CD38: variants seen among roughly 807,000 people sequenced by gnomAD.
The protein encoded by CD38 is ADP-ribosyl cyclase/cyclic ADP-ribose hydrolase 1.
CD38 carries 31 observed loss-of-function variants against 36.3 expected under a neutral mutation model. The observed-to-expected ratio is 0.85, with a 90% CI of 0.64 to 1.15. CD38 has a LOEUF of 1.15. Among genes scored for constraint, CD38 ranks in the 50% most tolerant of loss-of-function variants. The pLI is 0.00. For synonymous variants in CD38, 131 were observed against 135.2 expected (o/e 0.97, Z 0.22); for missense variants, 380 against 371.9 (o/e 1.02, Z -0.18).
chr4:15,835,363 C>CT lies in CD38; in HGVS notation c.585+1093dup, dbSNP rs35143834. Among the ~76,000 whole-genome samples the CT allele has an allele frequency of 3.6e-3, 206 of 57,720 alleles. 39 individuals carry two copies. The highest frequency in any genetic ancestry group is 5.1e-3 in the Non-Finnish European group (143 of 27,902). The allele number at this position is 57,720 out of a possible 152,430, so 37.9% of individuals were successfully genotyped here. ...CATGTTGCTGCAAATGACAGGAATACTTTTTTTTTTTTTTTTTTTTTTTTT... is the reference window on the plus strand; with the variant it reads ...CATGTTGCTGCAAATGACAGGAATACTTTTTTTTTTTTTTTTTTTTTTTTTT... On this transcript the variant is annotated intron_variant, in intron 4 of 7. Coordinates refer to ENST00000226279, the MANE Select transcript of CD38 (RefSeq NM_001775.4).
In CD38 at chr4:15,778,710, GA is replaced by G; in HGVS notation, c.233+65del. The G allele has an allele frequency of 8.3e-7, 1 of 1,207,880 alleles. No individual in the cohort carries two copies. 74.8% of individuals were successfully genotyped at this position (1,207,880 alleles called of 1,614,324 possible). A position where few individuals can be genotyped will look rare whatever the true frequency, so the allele number is the denominator to read the frequency against. Reference sequence around the variant, plus strand: ...GGGACAGCAGGGCCCCGCGCGCAGGGAAGCCGCCCGGATCGCCCGGAACCGG... The same window carrying G: ...GGGACAGCAGGGCCCCGCGCGCAGGGAGCCGCCCGGATCGCCCGGAACCGG... On this transcript the variant is annotated intron_variant, in intron 1 of 7. Transcript: ENST00000226279. The surrounding 1 kb of genome is among the most constrained non-coding windows in gnomAD (Gnocchi z 4.9).
intron 1 of CD38, among the ~76,000 whole-genome samples, chr4:15,779,576 A>G (rs1722645662): frequency 1.3e-5 from 2 of 152,200 alleles, no homozygotes; most frequent in African/African-American, 4.8e-5. Flanking sequence ...CAATCCGAGG[A>G]AACGAGCAAA....
At chr4:15,832,660 A>G (rs1000310651) in intron 3 of CD38, among the ~76,000 whole-genome samples, 2 of 152,118 alleles carry the variant, frequency 1.3e-5, no homozygotes, top group Admixed American at 6.5e-5. Flanking sequence ...CACCGCAACT[A>G]GGACTTTGCT....
chr4:15,841,669 G>C (rs1022451581), intron 7 of CD38, among the ~76,000 whole-genome samples: 5 of 150,178 alleles, frequency 3.3e-5, no homozygotes, highest in Non-Finnish European at 7.4e-5. Flanking sequence ...TCACTAGGGA[G>C]TGCCAGACAG....
chr4:15,818,651 G>A (rs1341950869), intron 2 of CD38, among the ~76,000 whole-genome samples: 1 of 152,186 alleles, frequency 6.6e-6, no homozygotes, highest in Non-Finnish European at 1.5e-5. Flanking sequence ...GCTTCCAGAG[G>A]AAGGAGCAGG....
intron 1 of CD38, among the ~76,000 whole-genome samples, chr4:15,791,041 A>T (rs1215602366): frequency 8.3e-6 from 1 of 121,042 alleles, no homozygotes; most frequent in Non-Finnish European, 1.7e-5. Flanking sequence ...TCCGGGAGGG[A>T]GGTGGGGGGG....
At chr4:15,799,693 T>G (rs897484231) in intron 1 of CD38, among the ~76,000 whole-genome samples, 1 of 152,216 alleles carries the variant, frequency 6.6e-6, no homozygotes, top group Admixed American at 6.5e-5. Context: ...TCTATGAACA[T>G]TAGTGTACAA....
rs921900069 is a variant in CD38 at position 15,851,026 on chromosome 4, A to G, written c.*2424A>G. 6.6e-6 allele frequency: 1 copy of G among 152,232 alleles called. No individual in the cohort carries two copies. The highest frequency in any genetic ancestry group is 1.5e-5 in the Non-Finnish European group (1 of 68,070). The allele number at this position is 152,232 out of a possible 1,614,324, so 9.4% of individuals were successfully genotyped here. A position where few individuals can be genotyped will look rare whatever the true frequency, so the allele number is the denominator to read the frequency against. ...GAAATCAATTTTTGAAATTTCCCCT[A>G]GGAAGACTCATTTGAGTGTTCAAGT... On this transcript the variant is annotated 3_prime_UTR_variant, in exon 8 of 8. Transcript: ENST00000226279.
intron 1 of CD38, among the ~76,000 whole-genome samples, chr4:15,790,424 G>A (rs148793194): frequency 0.093 from 9,653 of 104,142 alleles, 506 homozygotes; most frequent in African/African-American, 0.23. Flanking sequence ...GTGATCCGCC[G>A]GCCTCGGCCT....
intron 1 of CD38, among the ~76,000 whole-genome samples, chr4:15,787,508 C>A (rs116684204): frequency 6.6e-6 from 1 of 152,206 alleles, no homozygotes; most frequent in Admixed American, 6.5e-5. Context: ...GGTGTCTGCT[C>A]ATTTTTCTGT....
At chr4:15,847,927 C>T (rs1387627851) in intron 7 of CD38, among the ~76,000 whole-genome samples, 1 of 152,150 alleles carries the variant, frequency 6.6e-6, no homozygotes, top group African/African-American at 2.4e-5. Context: ...GACAGTGGCC[C>T]ATAATGGGAA....
intron 1 of CD38, among the ~76,000 whole-genome samples, chr4:15,782,584 A>G (rs1396348435): frequency 6.6e-6 from 1 of 152,214 alleles, no homozygotes; most frequent in Non-Finnish European, 1.5e-5. Context: ...AATTAAATGA[A>G]TGGTATATAA....
chr4:15,786,203 G>A (rs536071648), intron 1 of CD38, among the ~76,000 whole-genome samples: 28 of 152,292 alleles, frequency 1.8e-4, no homozygotes, highest in African/African-American at 4.6e-4. Context: ...AGAACGGGAC[G>A]CCAATGGGTT....
At chr4:15,808,648 T>G (rs1186545411) in intron 1 of CD38, among the ~76,000 whole-genome samples, 1 of 152,200 alleles carries the variant, frequency 6.6e-6, no homozygotes. Context: ...TCCTAGTGTT[T>G]TTTGGACAGA....
chr4:15,826,457 G>GTGCA (rs1553874520), intron 3 of CD38, among the ~76,000 whole-genome samples: 4 of 89,492 alleles, frequency 4.5e-5, no homozygotes, highest in African/African-American at 1.9e-4. Context: ...ACACTTTTGT[G>GTGCA]CGCACACACA....
chr4:15,781,241 C>T (rs1006542212), intron 1 of CD38, among the ~76,000 whole-genome samples: 2 of 152,162 alleles, frequency 1.3e-5, no homozygotes, highest in Non-Finnish European at 2.9e-5. Context: ...AAACTTTTTA[C>T]CAGGACATAA....
chr4:15,816,388 A>G (rs1228864155), intron 1 of CD38, 123 bp from the exon 2 acceptor site: 9 of 725,054 alleles, frequency 1.2e-5, no homozygotes, highest in African/African-American at 1.8e-5. Context: ...AGACGAGATA[A>G]TATGTATGAA....
chr4:15,822,514 G>C (rs1723759857), intron 2 of CD38, among the ~76,000 whole-genome samples: 1 of 152,108 alleles, frequency 6.6e-6, no homozygotes, highest in Non-Finnish European at 1.5e-5. Flanking sequence ...CAAAATCAAT[G>C]TGCAAAAATC....
At chr4:15,798,313 A>C (rs1440166284) in intron 1 of CD38, among the ~76,000 whole-genome samples, 3 of 152,182 alleles carry the variant, frequency 2.0e-5, no homozygotes, top group Non-Finnish European at 4.4e-5. Context: ...ATCTCCCTTG[A>C]GTGGCTTTCA....
Sources: allele counts gnomAD v4.1 joint callset (sites outside exome capture counted in the v4.1 genomes callset), GRCh38; gene constraint gnomAD v4.1.1; non-coding constraint Gnocchi (gnomAD v3.1); transcripts MANE v1.5; gene names NCBI Gene and HGNC (gene_info 2026-07-23, HGNC 2026-07-21).